Variants in TNNT1 observed in about 807,000 individuals in gnomAD.
The protein encoded by TNNT1 is troponin T1, slow skeletal type.
A neutral mutation model predicts 50.6 loss-of-function variants in TNNT1; 53 were observed. The observed-to-expected ratio is 1.05, with a 90% CI of 0.84 to 1.32. TNNT1 has a LOEUF of 1.32. TNNT1 is among the 40% of genes most tolerant of loss of function. The pLI, the probability that TNNT1 is intolerant of heterozygous loss-of-function variation, is 0.00. For synonymous variants in TNNT1, 142 were observed against 138.0 expected (o/e 1.03, Z -0.20); for missense variants, 348 against 381.7 (o/e 0.91, Z 0.74).
chr19:55,145,337 G>A, intron 6 of TNNT1: 1 of 626,472 alleles, frequency 1.6e-6, no homozygotes, highest in Non-Finnish European at 2.8e-6. Context: ...AGGGGAAGGG[G>A]AAGAAGAGGA....
At chr19:55,141,361 G>T in intron 7 of TNNT1, 59 bp from the exon 8 acceptor site, 1 of 1,255,640 alleles carries the variant, frequency 8.0e-7, no homozygotes, top group Middle Eastern at 1.9e-4. Context: ...CAGCCTCCCA[G>T]CACCTCCCCC....
chr19:55,145,401 G>T, intron 6 of TNNT1, 143 bp downstream of exon 6: 1 of 727,190 alleles, frequency 1.4e-6, no homozygotes, highest in Non-Finnish European at 2.5e-6. Flanking sequence ...GAAAGGGGGA[G>T]GGAGGAGGAG....
intron 6 of TNNT1, chr19:55,142,180 G>C: frequency 2.5e-6 from 1 of 405,918 alleles, no homozygotes; most frequent in South Asian, 2.2e-5. Context: ...GAGTGCGGTG[G>C]CGCCACCTCG....
At chr19:55,137,071 C>G in intron 11 of TNNT1, 32 bp downstream of exon 11, 103 of 1,149,548 alleles carry the variant, frequency 9.0e-5, no homozygotes, top group Middle Eastern at 2.0e-4. Flanking sequence ...CACACCCAGG[C>G]CCCTACACCC....
At chr19:55,139,529 G>A (rs2085413070) in intron 9 of TNNT1, among the ~76,000 whole-genome samples, 1 of 152,082 alleles carries the variant, frequency 6.6e-6, no homozygotes, top group African/African-American at 2.4e-5. Context: ...CATCTTCAGA[G>A]GCAGCCATGC....
chr19:55,135,409 C>CTTTT (rs1428125566), intron 11 of TNNT1: 13 of 231,624 alleles, frequency 5.6e-5, no homozygotes, highest in Admixed American at 2.3e-4. Flanking sequence ...TCTTTTCTTT[C>CTTTT]TTTTCTTTTT....
intron 2 of TNNT1, 29 bp from the exon 3 acceptor site, chr19:55,147,050 GA>G (rs754154179): frequency 6.8e-5 from 109 of 1,612,716 alleles, no homozygotes; most frequent in Non-Finnish European, 8.9e-5. Context: ...AGAGAGGAGG[GA>G]GGGGAGAGTT....
chr19:55,145,661 G>A (rs374675810), intron 5 of TNNT1, 96 bp from the exon 6 acceptor site: 31 of 1,407,598 alleles, frequency 2.2e-5, no homozygotes, highest in East Asian at 1.6e-4. Flanking sequence ...CCCAAGCCTC[G>A]GCCCCCAGGA....
In TNNT1 at chr19:55,141,072, A is replaced by G. The variant is rs565054773; in HGVS notation, c.310-112T>C. On this transcript the variant is annotated intron_variant, in intron 8 of 13. Transcript: ENST00000588981. ...GGCCACCGACTTGGGTGAATTCGCG[A>G]AAGCCTAAGGCTCAGCTCTGTACTA... is the stretch of plus-strand genomic sequence containing the variant. The G allele has an allele frequency of 6.0e-6, 9 of 1,499,712 alleles. No homozygotes were observed. The South Asian group carries it at 9.0e-5, about 15-fold the overall frequency. 92.9% of individuals were successfully genotyped at this position (1,499,712 alleles called of 1,614,324 possible). A position where few individuals can be genotyped will look rare whatever the true frequency, so the allele number is the denominator to read the frequency against.
At chr19:55,141,163 G>A (rs757458983) in intron 8 of TNNT1, 23 bp downstream of exon 8, 4 of 1,596,684 alleles carry the variant, frequency 2.5e-6, no homozygotes, top group Admixed American at 3.3e-5. Context: ...GAAGACCGGG[G>A]GGAACCCGGA....
intron 6 of TNNT1, among the ~76,000 whole-genome samples, chr19:55,142,741 T>C (rs1469353715): frequency 6.9e-6 from 1 of 144,070 alleles, no homozygotes; most frequent in African/African-American, 2.5e-5. Context: ...AGAGACGGGG[T>C]TTCACCATGC....
chr19:55,141,384 G>T, intron 7 of TNNT1, 82 bp from the exon 8 acceptor site: 1 of 1,014,094 alleles, frequency 9.9e-7, no homozygotes, highest in Non-Finnish European at 1.6e-6. Context: ...GCAGGATGGT[G>T]AACTGAACCG....
At chr19:55,145,483 G>A (rs943801337) in intron 6 of TNNT1, 61 bp downstream of exon 6, 11 of 1,544,992 alleles carry the variant, frequency 7.1e-6, no homozygotes, top group Non-Finnish European at 9.8e-6. Context: ...CTTGTCTCTG[G>A]GGGTAGAGGG....
chr19:55,141,123 C>G, intron 8 of TNNT1, 63 bp downstream of exon 8: 2 of 1,497,148 alleles, frequency 1.3e-6, no homozygotes, highest in African/African-American at 1.4e-5. Context: ...TCTGCATCTC[C>G]CAAGATGCAA....
intron 6 of TNNT1, among the ~76,000 whole-genome samples, chr19:55,142,467 T>C (rs2085476695): frequency 6.6e-6 from 1 of 152,074 alleles, no homozygotes. Context: ...TAAAACATTA[T>C]ATAACAGATT....
At chr19:55,134,313 T>G in intron 11 of TNNT1, 109 bp from the exon 12 acceptor site, 1 of 1,138,560 alleles carries the variant, frequency 8.8e-7, no homozygotes. Flanking sequence ...TTTGTTCATA[T>G]TTGAGGCCGA....
intron 5 of TNNT1, 51 bp downstream of exon 5, chr19:55,146,383 T>A: frequency 7.8e-7 from 1 of 1,280,226 alleles, no homozygotes. Flanking sequence ...ATATCGGGGG[T>A]CCCCCCGGGC....
Position 55,134,092 on chromosome 19 carries a change from C to T in TNNT1, c.724G>A (p.Ala242Thr). 6.2e-7 allele frequency: 1 copy of T among 1,612,942 alleles called. No individual in the cohort carries two copies. Residue 242 changes from alanine (A) to threonine (T), a missense_variant, in exon 12 of 14, where the codon GCG (alanine) becomes ACG (threonine). Ala to Thr is a moderately conservative substitution (Grantham distance 58). Coordinates refer to ENST00000588981, the MANE Select transcript of TNNT1 (RefSeq NM_003283.6). ...TCATATTTCTGCTGTTTCAGCTTCG[C>T]CATCAGGTCGAACTTCTCAGACTCC... ...QLESEKFDLM[A>T]KLKQQKYEIN...
intron 1 of TNNT1, 27 bp from the exon 2 acceptor site, chr19:55,147,195 TGGGGTGGGGCCCCAAGGAG>T (rs1321542352): frequency 1.2e-6 from 2 of 1,610,312 alleles, no homozygotes. Context: ...AGAGGCCCAG[TGGGGTGGGGCCCCAAGGAG>T]GGGGCGACCT....
Sources: allele counts gnomAD v4.1 joint callset (sites outside exome capture counted in the v4.1 genomes callset), GRCh38; gene constraint gnomAD v4.1.1; transcripts MANE v1.5; gene names NCBI Gene and HGNC (gene_info 2026-07-23, HGNC 2026-07-21).